DPP10: variants seen among roughly 807,000 people sequenced by gnomAD.
DPP10 encodes inactive dipeptidyl peptidase 10.
DPP10 carries 33 observed loss-of-function variants against 120.9 expected under a neutral mutation model. That is an observed-to-expected ratio of 0.27 (90% CI 0.21 to 0.37). The LOEUF is 0.37. DPP10 is among the 10% of genes least tolerant of loss of function. The pLI is 1.00. For missense variants in DPP10, 816 were observed against 942.8 expected, an observed-to-expected ratio of 0.87 and a Z score of 1.76; for synonymous variants, 337 against 326.1, an observed-to-expected ratio of 1.03 and a Z score of -0.36.
chr2:114,675,533 A>G (rs1276941197), intron 1 of DPP10, among the ~76,000 whole-genome samples: 5 of 152,060 alleles, frequency 3.3e-5, no homozygotes, highest in Non-Finnish European at 7.4e-5. Context: ...AAACACATGT[A>G]AGTGTTTACA....
At chr2:115,361,682 C>T (rs577387131) in intron 3 of DPP10, among the ~76,000 whole-genome samples, 16 of 152,180 alleles carry the variant, frequency 1.1e-4, no homozygotes, top group Non-Finnish European at 1.5e-4. Context: ...TGTGGTGTCC[C>T]GCAGTTCCTT....
At chr2:115,159,584 G>A (rs150260528) in intron 1 of DPP10, among the ~76,000 whole-genome samples, 84 of 152,066 alleles carry the variant, frequency 5.5e-4, no homozygotes, top group Middle Eastern at 3.4e-3. Context: ...GGGAAAATCC[G>A]TTTACATGTG....
chr2:115,516,117 G>A (rs1033390723), intron 4 of DPP10, among the ~76,000 whole-genome samples: 1 of 152,196 alleles, frequency 6.6e-6, no homozygotes, highest in Admixed American at 6.5e-5. Context: ...AACTCAACTA[G>A]TGAATGTCTG....
In DPP10 at chr2:114,833,317, G is replaced by C. The variant is rs575997726; in HGVS notation, c.60+390479G>C. ...AACTAAATTGATCAAGCAAAAAAAT[G>C]TACTCACTTGTTTGAGAATGTCAAT... On this transcript the variant is annotated intron_variant, in intron 1 of 25. Coordinates refer to ENST00000410059, the MANE Select transcript of DPP10 (RefSeq NM_020868.6). 3 of 150,838 alleles carry C rather than the reference G, an allele frequency of 2.0e-5. No individual in the cohort carries two copies. The East Asian group carries it at 5.8e-4, about 29-fold the overall frequency. The allele number at this position is 150,838 out of a possible 1,614,324, so 9.3% of individuals were successfully genotyped here.
At chr2:114,444,690 T>C (rs1219637529) in intron 1 of DPP10, among the ~76,000 whole-genome samples, 1 of 152,134 alleles carries the variant, frequency 6.6e-6, no homozygotes, top group Non-Finnish European at 1.5e-5. Context: ...ATCATAAAAA[T>C]TGGACAACCC....
At chr2:115,116,757 T>G (rs1335101443) in intron 1 of DPP10, among the ~76,000 whole-genome samples, 3 of 152,188 alleles carry the variant, frequency 2.0e-5, no homozygotes, top group African/African-American at 7.2e-5. Flanking sequence ...TTGATCTTAT[T>G]GGTATATTTT....
rs936109555 is a variant in DPP10, at chr2:115,008,535, A to C, written c.61-300704A>C. ...AGGCATGGGCAAGGACTTCATGTCT[A>C]AAACACCAAAAGCAATGGCAACAAA... On this transcript the variant is annotated intron_variant, in intron 1 of 25. Coordinates refer to ENST00000410059, the MANE Select transcript of DPP10 (RefSeq NM_020868.6). Among the ~76,000 whole-genome samples, 21 of 119,336 alleles carry C rather than the reference A, an allele frequency of 1.8e-4. 2 individuals are homozygous for C. Among genetic ancestry groups the C allele is most frequent in the African/African-American group, 5.4e-4 (20 of 37,124 alleles). 78.3% of individuals were successfully genotyped at this position (119,336 alleles called of 152,430 possible).
At chr2:115,410,892 T>C (rs2683794) in intron 3 of DPP10, among the ~76,000 whole-genome samples, 97,764 of 152,100 alleles carry the variant, frequency 0.64, 32,058 homozygotes, top group Middle Eastern at 0.74. Context: ...CTTGTATTGA[T>C]ATTTTGATAT....
chr2:115,248,198 C>G (rs1427911715), intron 1 of DPP10, among the ~76,000 whole-genome samples: 1 of 152,120 alleles, frequency 6.6e-6, no homozygotes, highest in East Asian at 1.9e-4. Flanking sequence ...TAAGGCAGCT[C>G]TTAGTTTTTA....
chr2:114,734,941 CCT>C (rs1275436533), intron 1 of DPP10, among the ~76,000 whole-genome samples: 2 of 152,044 alleles, frequency 1.3e-5, no homozygotes, highest in African/African-American at 2.4e-5. Context: ...TCTTCTGAGG[CCT>C]CTCTCCTTAG....
At chr2:115,646,732 A>G (rs984671075) in intron 5 of DPP10, among the ~76,000 whole-genome samples, 3 of 152,190 alleles carry the variant, frequency 2.0e-5, no homozygotes, top group African/African-American at 7.2e-5. Flanking sequence ...TACAAATTCT[A>G]AAAAAGTTGA....
chr2:114,544,260 G>A (rs549785712), intron 1 of DPP10, among the ~76,000 whole-genome samples: 2 of 152,308 alleles, frequency 1.3e-5, no homozygotes, highest in East Asian at 3.9e-4. Context: ...CAAGACTCAA[G>A]GAACTGCAGG....
intron 1 of DPP10, among the ~76,000 whole-genome samples, chr2:114,825,746 T>G (rs1454057995): frequency 6.6e-6 from 1 of 152,152 alleles, no homozygotes; most frequent in Non-Finnish European, 1.5e-5. Context: ...TCTGATGGAA[T>G]AGATATTCAA....
chr2:115,829,921 A>T (rs540812363), intron 21 of DPP10, among the ~76,000 whole-genome samples: 1 of 152,240 alleles, frequency 6.6e-6, no homozygotes, highest in Non-Finnish European at 1.5e-5. Context: ...ACATTAAGCA[A>T]CTTTAGTTTG....
intron 1 of DPP10, among the ~76,000 whole-genome samples, chr2:114,632,531 GAGA>G (rs1253778553): frequency 5.8e-5 from 3 of 52,116 alleles, no homozygotes; most frequent in African/African-American, 2.6e-4. Flanking sequence ...TTTTTTTTTG[GAGA>G]AGGAGTCTTG....
intron 1 of DPP10, among the ~76,000 whole-genome samples, chr2:114,567,360 T>G (rs1413745302): frequency 6.6e-6 from 1 of 152,104 alleles, no homozygotes; most frequent in Admixed American, 6.6e-5. Flanking sequence ...TAGTTGGAGA[T>G]TAGAATATGG....
At chr2:115,079,743 G>A (rs1708111100) in intron 1 of DPP10, among the ~76,000 whole-genome samples, 1 of 152,212 alleles carries the variant, frequency 6.6e-6, no homozygotes, top group South Asian at 2.1e-4. Context: ...GGAAGGGTCA[G>A]TACTAAATCG....
chr2:115,474,728 GAA>G (rs11314883), intron 3 of DPP10, among the ~76,000 whole-genome samples: 1,506 of 139,240 alleles, frequency 0.011, 14 homozygotes, highest in South Asian at 0.042. Flanking sequence ...CCATGTGATA[GAA>G]AAAAAAAAAA....
At chr2:114,497,348 CACATGTACATATACATACACATGT>C (rs1682733243) in intron 1 of DPP10, among the ~76,000 whole-genome samples, 1 of 27,116 alleles carries the variant, frequency 3.7e-5, no homozygotes, top group Non-Finnish European at 1.2e-4. Context: ...CATATACATA[CACATGTACATATACATACACATGT>C]ACATATACAT....
Sources: allele counts gnomAD v4.1 joint callset (sites outside exome capture counted in the v4.1 genomes callset), GRCh38; gene constraint gnomAD v4.1.1; transcripts MANE v1.5; gene names NCBI Gene and HGNC (gene_info 2026-07-23, HGNC 2026-07-21).